The following NCAPG2 variants were observed in gnomAD, a reference collection of about 807,000 sequenced individuals.
The protein encoded by NCAPG2 is non-SMC condensin II complex subunit G2, also known as condensin-2 complex subunit G2.
NCAPG2 carries 53 observed loss-of-function variants against 141.1 expected under a neutral mutation model. The ratio of observed to expected loss-of-function variants is 0.38; its 90% CI spans 0.30 to 0.47. NCAPG2 has a LOEUF of 0.47. NCAPG2 is among the 20% of genes least tolerant of loss of function. The pLI, the probability that NCAPG2 is intolerant of heterozygous loss-of-function variation, is 0.99. For missense variants in NCAPG2, 1,087 were observed against 1,389.0 expected, an observed-to-expected ratio of 0.78 and a Z score of 3.46; for synonymous variants, 499 against 490.7, an observed-to-expected ratio of 1.02 and a Z score of -0.22.
intron 27 of NCAPG2, among the ~76,000 whole-genome samples, chr7:158,639,249 A>G (rs1400245779): frequency 6.6e-6 from 1 of 152,112 alleles, no homozygotes; most frequent in Admixed American, 6.5e-5. Context: ...CTGGGACCAC[A>G]GGTGAGTGCC....
chr7:158,656,511 C>T, intron 18 of NCAPG2, 41 bp downstream of exon 18: 4 of 1,611,996 alleles, frequency 2.5e-6, no homozygotes, highest in African/African-American at 1.3e-5. Flanking sequence ...ACACAGTTAT[C>T]CTCACTCACC....
intron 5 of NCAPG2, among the ~76,000 whole-genome samples, chr7:158,690,253 T>C (rs1835035880): frequency 6.6e-6 from 1 of 152,206 alleles, no homozygotes; most frequent in South Asian, 2.1e-4. Context: ...CATTTCACTG[T>C]AGAGCTACTA....
chr7:158,667,253 A>C, intron 13 of NCAPG2: 1 of 983,758 alleles, frequency 1.0e-6, no homozygotes, highest in Non-Finnish European at 1.2e-6. Flanking sequence ...CTGGTGGGCC[A>C]GAGACCCTGT....
intron 11 of NCAPG2, among the ~76,000 whole-genome samples, chr7:158,676,812 A>G (rs1162796582): frequency 6.6e-6 from 1 of 152,200 alleles, no homozygotes. Flanking sequence ...CATTTACCCC[A>G]TCTCTTCCCC....
chr7:158,648,496 T>TAA lies in NCAPG2; in HGVS notation c.3076-1935_3076-1934dup, dbSNP rs138968761. On this transcript the variant is annotated intron_variant, in intron 24 of 27. Coordinates refer to ENST00000356309, the MANE Select transcript of NCAPG2 (RefSeq NM_017760.7). ...ATAAATTCATTAAAGTCAAATGGAC[T>TAA]AAAAAAAAAAAAGAATGGACTATAA... 2.2e-3 allele frequency among the ~76,000 whole-genome samples: 238 copies of TAA among 106,542 alleles called. 23 individuals carry two copies. The East Asian group carries it at 0.062, about 28-fold the overall frequency. The allele number at this position is 106,542 out of a possible 152,430, so 69.9% of individuals were successfully genotyped here.
chr7:158,701,968 CTT>C (rs1234449716), intron 1 of NCAPG2, 30 bp from the exon 2 acceptor site: 1 of 1,283,032 alleles, frequency 7.8e-7, no homozygotes, highest in African/African-American at 1.5e-5. Context: ...TACTGAAACA[CTT>C]GCAAATATAT....
At chr7:158,663,057 C>T (rs1481915732) in intron 15 of NCAPG2, among the ~76,000 whole-genome samples, 5 of 152,276 alleles carry the variant, frequency 3.3e-5, no homozygotes, top group South Asian at 2.1e-4. Context: ...AGCAGTCCCA[C>T]GCTGTCAACG....
chr7:158,653,290 G>A (rs1831622502), intron 22 of NCAPG2, among the ~76,000 whole-genome samples: 1 of 151,296 alleles, frequency 6.6e-6, no homozygotes, highest in Non-Finnish European at 1.5e-5. Flanking sequence ...GAACCTAGAG[G>A]TGGAGGTTGC....
chr7:158,645,447 C>A, intron 26 of NCAPG2, 72 bp downstream of exon 26: 4 of 1,366,312 alleles, frequency 2.9e-6, no homozygotes, highest in Non-Finnish European at 3.1e-6. Context: ...GGGGCTGATC[C>A]CCGGAATCCC....
intron 27 of NCAPG2, among the ~76,000 whole-genome samples, chr7:158,632,191 T>C (rs1829933802): frequency 6.6e-6 from 1 of 152,164 alleles, no homozygotes; most frequent in Non-Finnish European, 1.5e-5. Flanking sequence ...TCCCCTGCCC[T>C]ACATCCCTGT....
chr7:158,631,548 A>T lies in NCAPG2; in HGVS notation c.*118T>A. The T allele has an allele frequency of 9.8e-7, 1 of 1,016,646 alleles. No homozygotes were observed. The highest frequency in any genetic ancestry group is 1.4e-5 in the South Asian group (1 of 71,404). The allele number at this position is 1,016,646 out of a possible 1,614,324, so 63.0% of individuals were successfully genotyped here. On this transcript the variant is annotated 3_prime_UTR_variant, in exon 28 of 28. Coordinates refer to ENST00000356309, the MANE Select transcript of NCAPG2 (RefSeq NM_017760.7). ...CCACCTTCCCACATTCCCACAAAAAAATCCCACCCTTTCCCTATTATATGG... is the reference window on the plus strand; with the variant it reads ...CCACCTTCCCACATTCCCACAAAAATATCCCACCCTTTCCCTATTATATGG...
At position 158,686,118 on chromosome 7, in the gene NCAPG2, T is replaced by G. The variant is rs1834739331; in HGVS notation, c.837+54A>C. 4.6e-6 allele frequency: 5 copies of G among 1,095,218 alleles called. No homozygotes were observed. The Admixed American group carries it at 1.0e-4, about 23-fold the overall frequency. The allele number at this position is 1,095,218 out of a possible 1,614,324, so 67.8% of individuals were successfully genotyped here. ...AATAACCCTTCTTTGACTACTTATT[T>G]AGTAACTAAAATATAATAAAAATAA... is the stretch of plus-strand genomic sequence containing the variant. On this transcript the variant is annotated intron_variant, in intron 8 of 27. Coordinates refer to ENST00000356309, the MANE Select transcript of NCAPG2 (RefSeq NM_017760.7).
chr7:158,645,632 CAACA>C lies in NCAPG2; in HGVS notation c.3180-17_3180-14del. ...ATCCAAAAATGACCTGCAAAAAAATCAACAAACATCAAAATTACTGTATCATATA... is the reference window on the plus strand; with the variant it reads ...ATCCAAAAATGACCTGCAAAAAAATCAACATCAAAATTACTGTATCATATA... On this transcript the variant is annotated splice_polypyrimidine_tract_variant and intron_variant, in intron 25 of 27. Coordinates refer to ENST00000356309, the MANE Select transcript of NCAPG2 (RefSeq NM_017760.7). 6.2e-7 allele frequency: 1 copy of C among 1,604,826 alleles called. No individual in the cohort carries two copies. Among genetic ancestry groups the C allele is most frequent in the Non-Finnish European group, 8.5e-7 (1 of 1,171,668 alleles).
intron 7 of NCAPG2, 125 bp downstream of exon 7, chr7:158,687,223 T>A: frequency 3.5e-6 from 2 of 577,040 alleles, no homozygotes; most frequent in Non-Finnish European, 6.0e-6. Context: ...GATCCAATGG[T>A]ACATAATAAA....
chr7:158,692,885 AC>A lies in NCAPG2; in HGVS notation c.338del (p.Ser113MetfsTer14). On this transcript the variant is annotated frameshift_variant, in exon 4 of 28. Transcript: ENST00000356309. LOFTEE classifies it high-confidence loss of function. Reference sequence around the variant, plus strand: ...ATTCCAGTAGGGCTTCGTAGTTCTCACTTTCATTTATTACAGACACAGAAGC... The same window carrying A: ...ATTCCAGTAGGGCTTCGTAGTTCTCATTTCATTTATTACAGACACAGAAGC... ...ILASVSVINE[S>X]ENYEALLECV... 6.3e-7 allele frequency: 1 copy of A among 1,593,170 alleles called. No individual in the cohort carries two copies. The highest frequency in any genetic ancestry group is 8.6e-7 in the Non-Finnish European group (1 of 1,165,066).
intron 11 of NCAPG2, among the ~76,000 whole-genome samples, chr7:158,676,771 T>C (rs1834075711): frequency 6.6e-6 from 1 of 152,128 alleles, no homozygotes; most frequent in South Asian, 2.1e-4. Flanking sequence ...ACTACTTTAA[T>C]TAGAAAAAAA....
intron 4 of NCAPG2, among the ~76,000 whole-genome samples, 160 bp downstream of exon 4, chr7:158,692,682 G>T (rs148988774): frequency 6.6e-6 from 1 of 152,096 alleles, no homozygotes; most frequent in Non-Finnish European, 1.5e-5. Flanking sequence ...CGGAGGTTGC[G>T]GTGAGCTGAG....
chr7:158,645,569 C>T lies in NCAPG2; in HGVS notation c.3230G>A (p.Gly1077Asp). Residue 1077 changes from glycine to aspartate, a missense_variant, in exon 26 of 28, where the codon GGC becomes GAC. Physicochemically the swap from Gly to Asp is moderately conservative, Grantham distance 94 (BLOSUM62 -1). Coordinates refer to ENST00000356309, the MANE Select transcript of NCAPG2 (RefSeq NM_017760.7). ...CACAGCAGCCGTGAGGCACACAATGCCTTCAATATCATTAGAAGCCACACA... is the reference window on the plus strand; with the variant it reads ...CACAGCAGCCGTGAGGCACACAATGTCTTCAATATCATTAGAAGCCACACA... Reference protein sequence around the residue: ...KACVASNDIEGIVCLTAAVHI... With the variant: ...KACVASNDIEDIVCLTAAVHI... The T allele has an allele frequency of 6.2e-7, 1 of 1,614,238 alleles. No homozygotes were observed. Among genetic ancestry groups the T allele is most frequent in the East Asian group, 2.2e-5 (1 of 44,894 alleles).
intron 27 of NCAPG2, among the ~76,000 whole-genome samples, chr7:158,643,195 C>G (rs1319981951): frequency 6.6e-6 from 1 of 151,536 alleles, no homozygotes; most frequent in Non-Finnish European, 1.5e-5. Flanking sequence ...AACTCCCGAC[C>G]TCAGGTGATC....
Sources: allele counts gnomAD v4.1 joint callset (sites outside exome capture counted in the v4.1 genomes callset), GRCh38; gene constraint gnomAD v4.1.1; transcripts MANE v1.5; gene names NCBI Gene and HGNC (gene_info 2026-07-23, HGNC 2026-07-21).